SHQ1: variants seen among roughly 807,000 people sequenced by gnomAD.
SHQ1 encodes the protein protein SHQ1 homolog.
SHQ1 carries 49 observed loss-of-function variants against 53.8 expected under a neutral mutation model. The ratio of observed to expected loss-of-function variants is 0.91; its 90% CI spans 0.72 to 1.16. SHQ1 has a LOEUF of 1.16. SHQ1 is among the 50% of genes most tolerant of loss of function. The probability of loss-of-function intolerance (pLI) is 0.00; values close to 1 mark genes in which losing one functional copy is unlikely to be tolerated. For synonymous variants in SHQ1, 243 were observed against 251.0 expected (o/e 0.97, Z 0.30); for missense variants, 738 against 683.1 (o/e 1.08, Z -0.90).
At position 72,755,320 on chromosome 3, in the gene SHQ1, T is replaced by C. The variant is rs191941155; in HGVS notation, c.1182-4484A>G. Among the ~76,000 whole-genome samples, 415 of 152,196 alleles carry C rather than the reference T, an allele frequency of 2.7e-3. 3 individuals carry two copies. The highest frequency in any genetic ancestry group is 9.6e-3 in the African/African-American group (400 of 41,506). On this transcript the variant is annotated intron_variant, in intron 10 of 10. Coordinates refer to ENST00000325599, the MANE Select transcript of SHQ1 (RefSeq NM_018130.3). ...GATGGATAGATGGATGGATGATAGA[T>C]AGATAGACAGATAAATTGATTTTTG...
At chr3:72,739,044 C>T in the SHQ1 span, among the ~76,000 whole-genome samples, 4 of 152,252 alleles carry the variant, frequency 2.6e-5, no homozygotes, top group African/African-American at 7.2e-5. Flanking sequence ...GGTTGGCTCT[C>T]AGGGCGGGGC....
rs80238645 is a variant in SHQ1, at chr3:72,846,891, T to C, written c.143+1307A>G. On this transcript the variant is annotated intron_variant, in intron 1 of 10. Coordinates refer to ENST00000325599, the MANE Select transcript of SHQ1 (RefSeq NM_018130.3). ...GCACTAACCTGGAGTAAAAATTCAA[T>C]AAATATTTGCTACCACCATAATCTT... Among the ~76,000 whole-genome samples, 1,293 of 152,286 alleles carry C rather than the reference T, an allele frequency of 8.5e-3. 22 individuals are homozygous for C. The highest frequency in any genetic ancestry group is 0.03 in the African/African-American group (1,239 of 41,554).
At chr3:72,816,436 G>A (rs1022856285) in intron 7 of SHQ1, among the ~76,000 whole-genome samples, 1 of 152,138 alleles carries the variant, frequency 6.6e-6, no homozygotes, top group Non-Finnish European at 1.5e-5. Context: ...GGAAAGCTAT[G>A]CTCAGATCAA....
chr3:72,805,679 T>A (rs1706919109), intron 9 of SHQ1, among the ~76,000 whole-genome samples: 1 of 151,280 alleles, frequency 6.6e-6, no homozygotes, highest in Non-Finnish European at 1.5e-5. Context: ...GTATGTAATA[T>A]TTAAGAGGTC....
chr3:72,790,990 G>C (rs965744260), intron 10 of SHQ1, among the ~76,000 whole-genome samples: 1 of 152,024 alleles, frequency 6.6e-6, no homozygotes, highest in African/African-American at 2.4e-5. Flanking sequence ...ATAAAACCAA[G>C]AGAAAAAGTT....
downstream of SHQ1, among the ~76,000 whole-genome samples, chr3:72,746,145 G>A (rs540200518): frequency 2.0e-4 from 30 of 152,102 alleles, no homozygotes; most frequent in East Asian, 1.6e-3. Flanking sequence ...GCCCAGCCCC[G>A]TTTCTAAGAT....
At chr3:72,814,381 G>T (rs553050936) in intron 8 of SHQ1, 1 of 152,360 alleles carries the variant, frequency 6.6e-6, no homozygotes, top group South Asian at 2.1e-4. Context: ...AAACTCCGTA[G>T]AGATCTTGCT....
At chr3:72,773,194 G>A (rs1466580391) in intron 10 of SHQ1, 1 of 728,372 alleles carries the variant, frequency 1.4e-6, no homozygotes, top group Admixed American at 1.8e-5. Flanking sequence ...GTTTTCAGGA[G>A]CAAGTAGAAC....
chr3:72,810,775 G>A (rs886504767), intron 9 of SHQ1, among the ~76,000 whole-genome samples: 4 of 152,126 alleles, frequency 2.6e-5, no homozygotes, highest in African/African-American at 4.8e-5. Context: ...TCCAGAACAT[G>A]TCATCTCTAC....
intron 10 of SHQ1, among the ~76,000 whole-genome samples, chr3:72,773,627 C>G (rs1705899498): frequency 6.6e-6 from 1 of 151,986 alleles, no homozygotes; most frequent in African/African-American, 2.4e-5. Context: ...AGGGAGGACA[C>G]TGTGGCAAGA....
chr3:72,844,272 AGGTCCCCAT>A (rs1169227515), intron 2 of SHQ1, 78 bp downstream of exon 2: 2 of 1,089,982 alleles, frequency 1.8e-6, no homozygotes, highest in East Asian at 4.9e-5. Context: ...AGACATCAAA[AGGTCCCCAT>A]GGTATCTTGT....
chr3:72,734,471 G>T, the SHQ1 span, among the ~76,000 whole-genome samples: 1 of 151,034 alleles, frequency 6.6e-6, no homozygotes, highest in African/African-American at 2.4e-5. Context: ...GGCCAGGCTG[G>T]TCTCTATTTC....
chr3:72,795,044 C>G (rs949849540), intron 9 of SHQ1: 1 of 152,216 alleles, frequency 6.6e-6, no homozygotes, highest in Non-Finnish European at 1.5e-5. Flanking sequence ...ATGTTCTTGC[C>G]TCATCCAGTC....
chr3:72,788,467 T>A (rs963739578), intron 10 of SHQ1, among the ~76,000 whole-genome samples: 1 of 149,072 alleles, frequency 6.7e-6, no homozygotes, highest in African/African-American at 2.5e-5. Context: ...GTGAGGAGCG[T>A]CTCCGCCCGG....
intron 5 of SHQ1, among the ~76,000 whole-genome samples, chr3:72,827,103 C>T (rs1707683211): frequency 6.6e-6 from 1 of 152,108 alleles, no homozygotes; most frequent in Admixed American, 6.5e-5. Context: ...GAATGAAGAG[C>T]TCGAGGAGTG....
the SHQ1 span, among the ~76,000 whole-genome samples, chr3:72,743,483 G>A: frequency 3.9e-5 from 6 of 152,126 alleles, no homozygotes; most frequent in Non-Finnish European, 7.3e-5. Context: ...CCCCAGACCC[G>A]GAAGAAGGAG....
chr3:72,831,621 T>G (rs1263805855), intron 5 of SHQ1, among the ~76,000 whole-genome samples: 3 of 152,192 alleles, frequency 2.0e-5, no homozygotes, highest in Non-Finnish European at 2.9e-5. Flanking sequence ...TACATCAACA[T>G]AAAACCCTCA....
chr3:72,754,242 C>G (rs1056620259), intron 10 of SHQ1, among the ~76,000 whole-genome samples: 1 of 152,118 alleles, frequency 6.6e-6, no homozygotes, highest in African/African-American at 2.4e-5. Flanking sequence ...GGTAGGAGAG[C>G]CGCTGAGGTT....
intron 10 of SHQ1, chr3:72,772,730 A>C: frequency 1.4e-6 from 1 of 739,596 alleles, no homozygotes; most frequent in Admixed American, 1.9e-5. Flanking sequence ...ATTCCTATTG[A>C]TGCTACTCCC....
Sources: gnomAD v4.1 joint callset for allele counts (sites outside exome capture counted in the v4.1 genomes callset) on GRCh38, gnomAD v4.1.1 for gene constraint, MANE v1.5 for transcripts, NCBI Gene and HGNC (gene_info 2026-07-23, HGNC 2026-07-21) for gene names.